GNAQ: variants seen among roughly 807,000 people sequenced by gnomAD.
GNAQ encodes guanine nucleotide-binding protein G(q) subunit alpha.
A neutral mutation model predicts 43.9 loss-of-function variants in GNAQ; 8 were observed. The observed-to-expected ratio is 0.18, with a 90% CI of 0.11 to 0.33. The LOEUF is 0.33. Ranked by LOEUF, GNAQ falls within the 10% of genes least tolerant of loss-of-function variation. The pLI is 1.00. For missense variants in GNAQ, 158 were observed against 450.8 expected, an observed-to-expected ratio of 0.35 and a Z score of 5.88; for synonymous variants, 155 against 170.7, an observed-to-expected ratio of 0.91 and a Z score of 0.71.
intron 5 of GNAQ, among the ~76,000 whole-genome samples, chr9:77,739,202 T>A (rs1825616087): frequency 6.6e-6 from 1 of 152,208 alleles, no homozygotes; most frequent in African/African-American, 2.4e-5. Context: ...TCAAATTACA[T>A]GTGGCATGAA....
chr9:77,948,498 G>A (rs542695553), intron 1 of GNAQ, among the ~76,000 whole-genome samples: 3 of 152,234 alleles, frequency 2.0e-5, no homozygotes, highest in East Asian at 3.9e-4. Context: ...AAGAGGACAC[G>A]GATGAAGGAG....
At chr9:78,021,621 C>G (rs995749578) in intron 1 of GNAQ, among the ~76,000 whole-genome samples, 2 of 152,264 alleles carry the variant, frequency 1.3e-5, no homozygotes, top group East Asian at 1.9e-4. Flanking sequence ...TATAAAGCAG[C>G]CCCCTAGATG....
Position 77,857,688 on chromosome 9 carries a change from GA to G in GNAQ, c.322-41919del, listed in dbSNP as rs150624066. On this transcript the variant is annotated intron_variant, in intron 2 of 6. Transcript: ENST00000286548. ...GGGAAGGAGGGAAGGAGGGGAAGGA[GA>G]GAAAGGAAGACAGGAAAGGGAGGAA... is the stretch of plus-strand genomic sequence containing the variant. Among the ~76,000 whole-genome samples, 11 of 30,492 alleles carry G rather than the reference GA, an allele frequency of 3.6e-4. 1 individual carries two copies. The South Asian group carries it at 5.0e-3, about 14-fold the overall frequency. The allele number at this position is 30,492 out of a possible 152,430, so 20.0% of individuals were successfully genotyped here. A position where few individuals can be genotyped will look rare whatever the true frequency, so the allele number is the denominator to read the frequency against.
intron 1 of GNAQ, among the ~76,000 whole-genome samples, chr9:78,012,824 T>A (rs1373301107): frequency 6.6e-6 from 1 of 152,186 alleles, no homozygotes; most frequent in Non-Finnish European, 1.5e-5. Context: ...TTCCCTGTGA[T>A]CATCCCTGAT....
intron 3 of GNAQ, among the ~76,000 whole-genome samples, chr9:77,798,381 C>T (rs1200017993): frequency 6.6e-6 from 1 of 152,148 alleles, no homozygotes; most frequent in Non-Finnish European, 1.5e-5. Context: ...GAACATTTCC[C>T]TGTACCCTTT....
At position 77,724,305 on chromosome 9, in the gene GNAQ, C is replaced by T. The variant is rs541912561; in HGVS notation, c.890-2792G>A. Among the ~76,000 whole-genome samples the T allele has an allele frequency of 7.2e-5, 11 of 152,220 alleles. No individual in the cohort carries two copies. The East Asian group carries it at 2.1e-3, about 29-fold the overall frequency. ...TCCTGGGTTCAAGCGAAATCTCCTG[C>T]CTCAGCCTCGTGGGTAGCTGGGACT... is the stretch of plus-strand genomic sequence containing the variant. On this transcript the variant is annotated intron_variant, in intron 6 of 6. Transcript: ENST00000286548.
chr9:77,825,812 A>G (rs964732540), intron 2 of GNAQ, among the ~76,000 whole-genome samples: 4 of 152,204 alleles, frequency 2.6e-5, no homozygotes, highest in Non-Finnish European at 4.4e-5. Context: ...AGGCTGGGAC[A>G]ACAGGTGCAA....
intron 5 of GNAQ, among the ~76,000 whole-genome samples, chr9:77,736,012 T>C (rs898013249): frequency 6.6e-6 from 1 of 152,186 alleles, no homozygotes; most frequent in Non-Finnish European, 1.5e-5. Context: ...AATTGCTACA[T>C]AAGAACCTCC....
chr9:77,914,065 A>G (rs1828854900), intron 2 of GNAQ, among the ~76,000 whole-genome samples: 1 of 152,210 alleles, frequency 6.6e-6, no homozygotes, highest in Non-Finnish European at 1.5e-5. Context: ...AAAACAAGGA[A>G]TTTTAAATAT....
intron 2 of GNAQ, among the ~76,000 whole-genome samples, chr9:77,818,588 A>G (rs906037500): frequency 3.3e-5 from 5 of 152,196 alleles, no homozygotes; most frequent in African/African-American, 1.2e-4. Context: ...GTTAAGCTAA[A>G]TTAAACAATT....
intron 2 of GNAQ, among the ~76,000 whole-genome samples, chr9:77,921,736 C>T (rs1403654163): frequency 1.3e-5 from 2 of 152,042 alleles, no homozygotes; most frequent in Non-Finnish European, 1.5e-5. Context: ...AAAATTAAAC[C>T]AGACAGAATA....
At chr9:77,961,233 G>A (rs117040407) in intron 1 of GNAQ, among the ~76,000 whole-genome samples, 2,107 of 152,266 alleles carry the variant, frequency 0.014, 28 homozygotes, top group Non-Finnish European at 0.021. Context: ...AAGGAGCACA[G>A]GGATACAAAT....
intron 1 of GNAQ, among the ~76,000 whole-genome samples, chr9:78,027,347 T>G (rs920996594): frequency 1.3e-5 from 2 of 152,198 alleles, no homozygotes; most frequent in African/African-American, 4.8e-5. Context: ...AATAAATTCA[T>G]TTACTCAGCC....
chr9:78,006,913 TTGTG>T (rs1049517580), intron 1 of GNAQ, among the ~76,000 whole-genome samples: 1 of 152,144 alleles, frequency 6.6e-6, no homozygotes, highest in African/African-American at 2.4e-5. Flanking sequence ...AGGTTTAGCA[TTGTG>T]TGTGATGTTA....
intron 1 of GNAQ, among the ~76,000 whole-genome samples, chr9:78,007,803 C>T (rs1823725365): frequency 6.6e-6 from 1 of 152,188 alleles, no homozygotes; most frequent in Admixed American, 6.5e-5. Context: ...ATGCAGTCAG[C>T]ACATTTTAAA....
At chr9:78,024,832 G>A (rs1823957505) in intron 1 of GNAQ, among the ~76,000 whole-genome samples, 1 of 151,438 alleles carries the variant, frequency 6.6e-6, no homozygotes, top group Non-Finnish European at 1.5e-5. Context: ...CTTAAGTTAT[G>A]CCTGGTTAAA....
At chr9:77,722,864 G>A (rs1053922712) in intron 6 of GNAQ, among the ~76,000 whole-genome samples, 1 of 151,802 alleles carries the variant, frequency 6.6e-6, no homozygotes, top group Admixed American at 6.6e-5. Flanking sequence ...ATGTTGTCTT[G>A]AACTTCTGGC....
At position 77,718,597 on chromosome 9, in the gene GNAQ, G is replaced by C. The variant is rs1825259750; in HGVS notation, c.*2726C>G. 8.6e-6 allele frequency: 2 copies of C among 232,578 alleles called. No individual in the cohort carries two copies. The highest frequency in any genetic ancestry group is 8.5e-6 in the Non-Finnish European group (1 of 117,798). 14.4% of individuals were successfully genotyped at this position (232,578 alleles called of 1,614,324 possible). ...TCAGCTTCTTCAAGCTTTGAGATCA[G>C]GTTTAATTGACTACATTTACTATAG... On this transcript the variant is annotated 3_prime_UTR_variant, in exon 7 of 7. Coordinates refer to ENST00000286548, the MANE Select transcript of GNAQ (RefSeq NM_002072.5).
At chr9:77,931,071 C>T (rs2118306094) in intron 1 of GNAQ, among the ~76,000 whole-genome samples, 1 of 151,512 alleles carries the variant, frequency 6.6e-6, no homozygotes, top group East Asian at 2.0e-4. Flanking sequence ...GACCCGACCC[C>T]CATCCCTGGA....
Sources: allele counts gnomAD v4.1 joint callset (sites outside exome capture counted in the v4.1 genomes callset), GRCh38; gene constraint gnomAD v4.1.1; transcripts MANE v1.5; gene names NCBI Gene and HGNC (gene_info 2026-07-23, HGNC 2026-07-21).